GRK5: variants seen among roughly 807,000 people sequenced by gnomAD.
The protein encoded by GRK5 is G protein-coupled receptor kinase 5.
A neutral mutation model predicts 78.4 loss-of-function variants in GRK5; 40 were observed. The observed-to-expected ratio is 0.51, with a 90% CI of 0.40 to 0.66. GRK5 has a LOEUF of 0.66. Ranked by LOEUF, GRK5 falls within the 30% of genes least tolerant of loss-of-function variation. The pLI is 0.00. For synonymous variants in GRK5, 289 were observed against 296.8 expected, an observed-to-expected ratio of 0.97 and a Z score of 0.27; for missense variants, 598 against 759.9, an observed-to-expected ratio of 0.79 and a Z score of 2.50.
At position 119,442,014 on chromosome 10, in the gene GRK5, C is replaced by A; in HGVS notation, c.983C>A (p.Ser328Ter). Reference protein sequence around the residue: ...LLDDYGHIRISDLGLAVKIPE... With the variant: ...LLDDYGHIRI ...TCCCCCTCAGGCCACATTAGGATCT[C>A]AGACCTGGGCTTGGCTGTGAAGATC... Residue 328 changes from serine (S) to a stop codon, truncating the protein, a stop_gained, in exon 11 of 16, where the codon TCA becomes TAA. Transcript: ENST00000392870. LOFTEE classifies it high-confidence loss of function. The A allele has an allele frequency of 6.2e-7, 1 of 1,613,984 alleles. No homozygotes were observed. The highest frequency in any genetic ancestry group is 8.5e-7 in the Non-Finnish European group (1 of 1,179,902).
rs969241774 is a variant in GRK5, at chr10:119,412,709, G to A, written c.340-10457G>A. Among the ~76,000 whole-genome samples, 2 of 152,188 alleles carry A rather than the reference G, an allele frequency of 1.3e-5. No individual in the cohort carries two copies. The highest frequency in any genetic ancestry group is 4.8e-5 in the African/African-American group (2 of 41,440). On this transcript the variant is annotated intron_variant, in intron 4 of 15. Transcript: ENST00000392870. The surrounding 1 kb of genome is among the most constrained non-coding windows in gnomAD (Gnocchi z 4.3). ...TGGTGCTTTTTCTTCCTGTCAGCCA[G>A]GCCTTAAATCAACCCTCAAGTGAGG...
chr10:119,325,177 C>T (rs1850652015), intron 1 of GRK5, among the ~76,000 whole-genome samples: 1 of 152,232 alleles, frequency 6.6e-6, no homozygotes, highest in Non-Finnish European at 1.5e-5. Context: ...TAAGAATCCC[C>T]AGTTCTGTGC....
intron 1 of GRK5, 70 bp from the exon 2 acceptor site, chr10:119,326,446 G>C: frequency 7.8e-7 from 1 of 1,275,640 alleles, no homozygotes; most frequent in Non-Finnish European, 1.1e-6. Context: ...GAGGCTGGTG[G>C]GCAGGCTCAC....
intron 12 of GRK5, among the ~76,000 whole-genome samples, chr10:119,444,669 A>G (rs1853107671): frequency 2.6e-5 from 4 of 152,070 alleles, no homozygotes; most frequent in Non-Finnish European, 5.9e-5. Context: ...CAGCTCCACA[A>G]TTGCCAGCCC....
chr10:119,368,368 G>A (rs1052582785), intron 2 of GRK5, among the ~76,000 whole-genome samples: 2 of 152,208 alleles, frequency 1.3e-5, no homozygotes, highest in African/African-American at 2.4e-5. Context: ...TCGCAGGTGC[G>A]GGGTGGTGCT....
intron 3 of GRK5, among the ~76,000 whole-genome samples, chr10:119,387,408 G>A (rs1199306652): frequency 2.6e-5 from 4 of 152,166 alleles, no homozygotes; most frequent in South Asian, 2.1e-4. Context: ...CTGTTTGCGC[G>A]TCATTTACTA....
chr10:119,261,642 A>G (rs558031181), intron 1 of GRK5, among the ~76,000 whole-genome samples: 1 of 152,364 alleles, frequency 6.6e-6, no homozygotes, highest in Non-Finnish European at 1.5e-5. Flanking sequence ...TCTGTCTGCA[A>G]TCCCGGCACC....
intron 3 of GRK5, among the ~76,000 whole-genome samples, chr10:119,385,977 C>T (rs978385824): frequency 1.3e-5 from 2 of 152,028 alleles, no homozygotes; most frequent in East Asian, 1.9e-4. Flanking sequence ...CTCTGCCTCC[C>T]GAGCTCAGGT....
At chr10:119,324,928 G>A (rs1482555459) in intron 1 of GRK5, among the ~76,000 whole-genome samples, 1 of 152,260 alleles carries the variant, frequency 6.6e-6, no homozygotes, top group Non-Finnish European at 1.5e-5. Flanking sequence ...CATTCCTTCT[G>A]TCCCTCGGAG....
intron 1 of GRK5, among the ~76,000 whole-genome samples, chr10:119,240,936 T>G (rs188359911): frequency 2.0e-4 from 30 of 152,302 alleles, no homozygotes; most frequent in African/African-American, 4.8e-4. Context: ...ATGCTGCATA[T>G]CTAGAACATC....
At chr10:119,304,534 G>A (rs931001854) in intron 1 of GRK5, among the ~76,000 whole-genome samples, 7 of 152,118 alleles carry the variant, frequency 4.6e-5, no homozygotes, top group African/African-American at 1.4e-4. Context: ...AACCCTAGGC[G>A]GCAACATTGA....
intron 4 of GRK5, among the ~76,000 whole-genome samples, chr10:119,408,056 G>A (rs7073288): frequency 0.53 from 80,812 of 151,092 alleles, 22,661 homozygotes; most frequent in Middle Eastern, 0.67. Context: ...CCAGCTACTC[G>A]GGAGGGTGAA....
At chr10:119,423,314 T>C (rs1852607923) in intron 5 of GRK5, 48 bp downstream of exon 5, 1 of 1,339,388 alleles carries the variant, frequency 7.5e-7, no homozygotes, top group East Asian at 2.3e-5. Context: ...TGCCCAGAGA[T>C]GGGATGCCGC....
intron 1 of GRK5, among the ~76,000 whole-genome samples, chr10:119,227,600 C>T (rs1197527577): frequency 6.6e-6 from 1 of 152,006 alleles, no homozygotes; most frequent in East Asian, 1.9e-4. Flanking sequence ...AACAAACAAA[C>T]AAACATGGTA....
intron 13 of GRK5, among the ~76,000 whole-genome samples, chr10:119,450,148 A>T (rs986919759): frequency 6.6e-6 from 1 of 152,200 alleles, no homozygotes; most frequent in Non-Finnish European, 1.5e-5. Context: ...TGTTGAGTGC[A>T]TGAACATCAC....
intron 1 of GRK5, among the ~76,000 whole-genome samples, chr10:119,313,014 A>C (rs1044764815): frequency 0.01 from 54 of 5,172 alleles, no homozygotes; most frequent in Non-Finnish European, 0.015. Context: ...CGTGACGGTG[A>C]TGGTAGTGGT....
chr10:119,244,784 AC>A (rs1310777910), intron 1 of GRK5, among the ~76,000 whole-genome samples: 2 of 152,238 alleles, frequency 1.3e-5, no homozygotes, highest in African/African-American at 2.4e-5. Context: ...GTCACCTCAT[AC>A]CTGTTAGGAC....
chr10:119,436,794 G>A lies in GRK5; in HGVS notation c.882G>A (p.Glu294=). ...EEERALFYAA[E]ILCGLEDLHR... ...AGCGGGCCTTGTTTTATGCGGCAGA[G>A]ATCCTCTGCGGCTTAGAAGACCTCC... is the stretch of plus-strand genomic sequence containing the variant. Residue 294 remains glutamate (E), a synonymous_variant, in exon 9 of 16, where the codon GAG becomes GAA. Transcript: ENST00000392870. 6.2e-7 allele frequency: 1 copy of A among 1,613,712 alleles called. No individual in the cohort carries two copies. The highest frequency in any genetic ancestry group is 8.5e-7 in the Non-Finnish European group (1 of 1,179,750).
At chr10:119,326,463 G>A in intron 1 of GRK5, 53 bp from the exon 2 acceptor site, 4 of 1,474,454 alleles carry the variant, frequency 2.7e-6, no homozygotes, top group African/African-American at 1.4e-5. Flanking sequence ...TCACTGCGGG[G>A]ACGCCGCAGG....
Sources: gnomAD v4.1 joint callset for allele counts (sites outside exome capture counted in the v4.1 genomes callset) on GRCh38, gnomAD v4.1.1 for gene constraint, Gnocchi (gnomAD v3.1) non-coding constraint, MANE v1.5 for transcripts, NCBI Gene and HGNC (gene_info 2026-07-23, HGNC 2026-07-21) for gene names.